The following ARFGAP3 variants were observed in gnomAD, a reference collection of about 807,000 sequenced individuals.
The protein encoded by ARFGAP3 is ARF GTPase activating protein 3.
A neutral mutation model predicts 75.0 loss-of-function variants in ARFGAP3; 72 were observed. The ratio of observed to expected loss-of-function variants is 0.96; its 90% CI spans 0.79 to 1.17. The LOEUF is 1.17. ARFGAP3 is among the 50% of genes most tolerant of loss of function. The pLI is 0.00. For missense variants in ARFGAP3, 620 were observed against 626.6 expected, an observed-to-expected ratio of 0.99 and a Z score of 0.11; for synonymous variants, 221 against 217.9, an observed-to-expected ratio of 1.01 and a Z score of -0.13.
At position 42,836,140 on chromosome 22, in the gene ARFGAP3, G is replaced by A. The variant is rs1302043270; in HGVS notation, c.262-647C>T. ...TGGGACTACAGGTGTGTGCCACCAC[G>A]CCTGGCTAATTTTTGTATTTTTTGT... On this transcript the variant is annotated intron_variant, in intron 3 of 15. Transcript: ENST00000263245. 3.3e-5 allele frequency among the ~76,000 whole-genome samples: 5 copies of A among 151,830 alleles called. No individual in the cohort carries two copies. The South Asian group carries it at 6.2e-4, about 19-fold the overall frequency.
In ARFGAP3 at chr22:42,833,698, G is replaced by A. The variant is rs961714323; in HGVS notation, c.477+544C>T. Among the ~76,000 whole-genome samples, 5 of 151,544 alleles carry A rather than the reference G, an allele frequency of 3.3e-5. No individual in the cohort carries two copies. The South Asian group carries it at 1.0e-3, about 32-fold the overall frequency. On this transcript the variant is annotated intron_variant, in intron 5 of 15. Coordinates refer to ENST00000263245, the MANE Select transcript of ARFGAP3 (RefSeq NM_014570.5). ...TTGAACCCAGGAGGCGGAGATTGCA[G>A]TGAGCCAAGATCACACCATTGCACT...
intron 13 of ARFGAP3, 71 bp downstream of exon 13, chr22:42,808,696 C>T (rs988651574): frequency 1.1e-5 from 14 of 1,329,942 alleles, no homozygotes; most frequent in Non-Finnish European, 1.4e-5. Flanking sequence ...GGATCTCCTC[C>T]CCGACAATGC....
chr22:42,820,003 G>A (rs139452440), intron 9 of ARFGAP3, among the ~76,000 whole-genome samples: 43 of 152,280 alleles, frequency 2.8e-4, no homozygotes, highest in African/African-American at 9.6e-4. Context: ...AAAGATACAA[G>A]TGAAGTCTGG....
At chr22:42,830,682 T>C (rs1316786209) in intron 6 of ARFGAP3, among the ~76,000 whole-genome samples, 2 of 152,378 alleles carry the variant, frequency 1.3e-5, no homozygotes, top group African/African-American at 4.8e-5. Context: ...AACTGATATA[T>C]TTACAATAAA....
intron 15 of ARFGAP3, 36 bp downstream of exon 15, chr22:42,799,003 C>T (rs577720014): frequency 1.5e-5 from 23 of 1,577,662 alleles, no homozygotes; most frequent in Admixed American, 3.3e-5. Flanking sequence ...CTGAACCTAC[C>T]GTCATAGCCA....
chr22:42,804,805 C>T (rs761935232), intron 14 of ARFGAP3, among the ~76,000 whole-genome samples: 2 of 151,978 alleles, frequency 1.3e-5, no homozygotes, highest in South Asian at 2.1e-4. Flanking sequence ...TGTGAGTCAC[C>T]GTGCCTTGCC....
chr22:42,833,614 G>A (rs1926391339), intron 5 of ARFGAP3, among the ~76,000 whole-genome samples: 1 of 152,318 alleles, frequency 6.6e-6, no homozygotes, highest in South Asian at 2.1e-4. Flanking sequence ...AAATTAGCCA[G>A]GTGTGGTGGC....
At chr22:42,802,417 C>G (rs1924908427) in intron 14 of ARFGAP3, among the ~76,000 whole-genome samples, 1 of 150,648 alleles carries the variant, frequency 6.6e-6, no homozygotes, top group South Asian at 2.1e-4. Flanking sequence ...TCTGGAGTAG[C>G]TGGGACTACA....
chr22:42,842,017 T>TTTTTTTTTTTTTTTTTTTTTTTG (rs1926804100), intron 2 of ARFGAP3, among the ~76,000 whole-genome samples: 1 of 146,372 alleles, frequency 6.8e-6, no homozygotes, highest in Non-Finnish European at 1.5e-5. Context: ...CGGGCTTTTT[T>TTTTTTTTTTTTTTTTTTTTTTTG]TTTTTTTTTT....
At chr22:42,834,120 T>C (rs1203530835) in intron 5 of ARFGAP3, 122 bp downstream of exon 5, 24 of 858,190 alleles carry the variant, frequency 2.8e-5, no homozygotes, top group Non-Finnish European at 5.5e-6. Context: ...CTCTCTTCAG[T>C]AGTTATGTTT....
In ARFGAP3 at chr22:42,857,138, G is replaced by T. The variant is rs1475053113; in HGVS notation, c.45C>A (p.Arg15=). The T allele has an allele frequency of 2.2e-5, 34 of 1,515,550 alleles. No individual in the cohort carries two copies. The highest frequency in any genetic ancestry group is 6.3e-5 in the Admixed American group (3 of 47,356). The allele number at this position is 1,515,550 out of a possible 1,614,324, so 93.9% of individuals were successfully genotyped here. The change falls in exon 1 of 16, where the codon CGC becomes CGA. Residue 15 remains arginine, a synonymous_variant. Coordinates refer to ENST00000263245, the MANE Select transcript of ARFGAP3 (RefSeq NM_014570.5). The part of the protein sequence containing the change: ...SKQDILTIFK[R]LRSVPTNKVC... ...CCTTGTTAGTGGGCACCGAGCGGAG[G>T]CGCTTGAAGATGGTCAAGATGTCCT...
chr22:42,821,654 T>C (rs971912102), intron 9 of ARFGAP3, among the ~76,000 whole-genome samples: 2 of 152,248 alleles, frequency 1.3e-5, no homozygotes, highest in African/African-American at 4.8e-5. Context: ...TATTTCTACT[T>C]TTTGGCTATT....
chr22:42,807,399 C>T (rs553419098), intron 13 of ARFGAP3: 103 of 323,156 alleles, frequency 3.2e-4, no homozygotes, highest in African/African-American at 2.0e-3. Context: ...GCCACGATGG[C>T]CAGTGCGGAG....
chr22:42,820,081 T>C (rs1218368504), intron 9 of ARFGAP3, among the ~76,000 whole-genome samples: 2 of 152,178 alleles, frequency 1.3e-5, no homozygotes, highest in Non-Finnish European at 2.9e-5. Flanking sequence ...CTTCACTCCA[T>C]CCAGCTTACC....
Position 42,823,714 on chromosome 22 carries a change from T to C in ARFGAP3, c.626-12A>G, listed in dbSNP as rs2064695467. 1.3e-6 allele frequency: 2 copies of C among 1,541,308 alleles called. No individual in the cohort carries two copies. Among genetic ancestry groups the C allele is most frequent in the Non-Finnish European group, 1.8e-6 (2 of 1,141,598 alleles). On this transcript the variant is annotated splice_polypyrimidine_tract_variant and intron_variant, in intron 7 of 15. Transcript: ENST00000263245. ...GATAGAGGATACCTCTGCCAAAAAATAAAAATTAAAAAGTAAGACCAATAG... is the reference window on the plus strand; with the variant it reads ...GATAGAGGATACCTCTGCCAAAAAACAAAAATTAAAAAGTAAGACCAATAG...
At chr22:42,812,654 G>C (rs1023667312) in intron 11 of ARFGAP3, among the ~76,000 whole-genome samples, 4 of 152,192 alleles carry the variant, frequency 2.6e-5, no homozygotes, top group African/African-American at 9.7e-5. Context: ...CTCTTTCTTG[G>C]CAGAAAACAA....
intron 6 of ARFGAP3, among the ~76,000 whole-genome samples, chr22:42,828,914 G>A (rs370119503): frequency 6.6e-5 from 10 of 152,116 alleles, no homozygotes; most frequent in African/African-American, 2.4e-4. Flanking sequence ...TGAACCCCTG[G>A]CCTCTAGTGA....
chr22:42,837,446 CCT>C (rs1268126196), intron 3 of ARFGAP3, among the ~76,000 whole-genome samples: 4 of 151,824 alleles, frequency 2.6e-5, no homozygotes, highest in Admixed American at 2.6e-4. Context: ...ATGGCAAAAC[CCT>C]GTCTCTACTA....
intron 11 of ARFGAP3, 110 bp from the exon 12 acceptor site, chr22:42,811,054 C>A: frequency 6.7e-7 from 1 of 1,489,382 alleles, no homozygotes; most frequent in South Asian, 1.4e-5. Flanking sequence ...TAATGGCAGT[C>A]ACATAACTAG....
Sources: gnomAD v4.1 joint callset for allele counts (sites outside exome capture counted in the v4.1 genomes callset) on GRCh38, gnomAD v4.1.1 for gene constraint, MANE v1.5 for transcripts, NCBI Gene and HGNC (gene_info 2026-07-23, HGNC 2026-07-21) for gene names.